UNC5D: variants seen among roughly 807,000 people sequenced by gnomAD.
The protein encoded by UNC5D is unc-5 netrin receptor D.
UNC5D carries 39 observed loss-of-function variants against 105.4 expected under a neutral mutation model. The observed-to-expected ratio is 0.37, with a 90% CI of 0.29 to 0.48. The LOEUF (loss-of-function observed/expected upper bound fraction) is 0.48, where lower values mean the gene tolerates loss of function less well. UNC5D is among the 20% of genes least tolerant of loss of function. The probability of loss-of-function intolerance (pLI) is 0.98; values close to 1 mark genes in which losing one functional copy is unlikely to be tolerated. For synonymous variants in UNC5D, 452 were observed against 450.4 expected (o/e 1.00, Z -0.04); for missense variants, 991 against 1,202.4 (o/e 0.82, Z 2.60).
At chr8:35,336,685 G>T (rs1811067620) in intron 1 of UNC5D, among the ~76,000 whole-genome samples, 1 of 152,092 alleles carries the variant, frequency 6.6e-6, no homozygotes, top group African/African-American at 2.4e-5. Context: ...ATAGTATGCA[G>T]ACATATACAT....
At chr8:35,550,021 A>T (rs1032760620) in intron 2 of UNC5D, among the ~76,000 whole-genome samples, 2 of 144,324 alleles carry the variant, frequency 1.4e-5, no homozygotes, top group Admixed American at 7.2e-5. Context: ...TCCTAGCAGG[A>T]TCTCCAGTAT....
intron 4 of UNC5D, among the ~76,000 whole-genome samples, chr8:35,668,360 A>G (rs1824566793): frequency 6.6e-6 from 1 of 152,124 alleles, no homozygotes; most frequent in African/African-American, 2.4e-5. Context: ...TGCAGAATAT[A>G]TTTAATATCA....
intron 1 of UNC5D, among the ~76,000 whole-genome samples, chr8:35,376,721 G>C (rs1802718211): frequency 6.6e-6 from 1 of 152,082 alleles, no homozygotes; most frequent in Admixed American, 6.5e-5. Context: ...TCTATTCAAA[G>C]CCTTCTGCAC....
In UNC5D at chr8:35,250,820, C is replaced by A. The variant is rs191966025; in HGVS notation, c.103+14933C>A. 2.7e-3 allele frequency among the ~76,000 whole-genome samples: 409 copies of A among 152,148 alleles called. 2 individuals carry two copies. Among genetic ancestry groups the A allele is most frequent in the African/African-American group, 9.5e-3 (393 of 41,520 alleles). On this transcript the variant is annotated intron_variant, in intron 1 of 16. Coordinates refer to ENST00000404895, the MANE Select transcript of UNC5D (RefSeq NM_080872.4). ...CCCCAGTAGTTGCTTTTTCATCCCT[C>A]CTTCCCCCACTCTAGTAGTCCCCAG... is the stretch of plus-strand genomic sequence containing the variant.
At chr8:35,235,980 A>G (rs1010711077) in intron 1 of UNC5D, 93 bp downstream of exon 1, 1 of 1,108,428 alleles carries the variant, frequency 9.0e-7, no homozygotes, top group Non-Finnish European at 1.1e-6. Flanking sequence ...TGGCTTCCCA[A>G]CTTGCGCCCT....
In UNC5D at chr8:35,250,833, T is replaced by A. The variant is rs1471384079; in HGVS notation, c.103+14946T>A. On this transcript the variant is annotated intron_variant, in intron 1 of 16. Transcript: ENST00000404895. ...TTTTTCATCCCTCCTTCCCCCACTCTAGTAGTCCCCAGTGTCTCTTGCCGC... is the reference window on the plus strand; with the variant it reads ...TTTTTCATCCCTCCTTCCCCCACTCAAGTAGTCCCCAGTGTCTCTTGCCGC... Among the ~76,000 whole-genome samples the A allele has an allele frequency of 3.9e-5, 6 of 152,268 alleles. No individual in the cohort carries two copies. In the South Asian group the frequency reaches 6.2e-4, roughly 16 times the overall value.
intron 1 of UNC5D, among the ~76,000 whole-genome samples, chr8:35,286,867 C>T (rs2950911): frequency 0.82 from 124,715 of 152,120 alleles, 51,591 homozygotes; most frequent in East Asian, 1. Context: ...GTCATACAGC[C>T]GTGCCCAACT....
intron 1 of UNC5D, among the ~76,000 whole-genome samples, chr8:35,436,993 T>C (rs1330260821): frequency 6.6e-6 from 1 of 151,554 alleles, no homozygotes; most frequent in Non-Finnish European, 1.5e-5. Flanking sequence ...CACAGGAACT[T>C]CATTTTTAGT....
intron 13 of UNC5D, among the ~76,000 whole-genome samples, chr8:35,757,368 C>T (rs569608531): frequency 6.6e-6 from 1 of 152,220 alleles, no homozygotes; most frequent in African/African-American, 2.4e-5. Flanking sequence ...TCCATCCCAG[C>T]TCCGTCTAGC....
At chr8:35,451,731 T>G (rs188310055) in intron 1 of UNC5D, among the ~76,000 whole-genome samples, 25 of 152,272 alleles carry the variant, frequency 1.6e-4, no homozygotes, top group Non-Finnish European at 2.6e-4. Flanking sequence ...ATACAGGGCG[T>G]TTTTAGTTTG....
chr8:35,260,198 G>A (rs1186816446), intron 1 of UNC5D, among the ~76,000 whole-genome samples: 1 of 152,100 alleles, frequency 6.6e-6, no homozygotes, highest in Non-Finnish European at 1.5e-5. Context: ...CACCTGTCAG[G>A]TGAGAAACAA....
At chr8:35,511,056 C>G (rs1211202620) in intron 1 of UNC5D, among the ~76,000 whole-genome samples, 1 of 152,122 alleles carries the variant, frequency 6.6e-6, no homozygotes, top group Admixed American at 6.5e-5. Flanking sequence ...AGATTTGCAT[C>G]TCTTAGGAAA....
chr8:35,301,651 A>G (rs1407542034), intron 1 of UNC5D, among the ~76,000 whole-genome samples: 5 of 152,180 alleles, frequency 3.3e-5, no homozygotes, highest in Non-Finnish European at 7.3e-5. Flanking sequence ...TACAAAAACT[A>G]TACTACCAAA....
intron 1 of UNC5D, among the ~76,000 whole-genome samples, chr8:35,332,819 G>A (rs1810726696): frequency 6.6e-6 from 1 of 152,118 alleles, no homozygotes; most frequent in Non-Finnish European, 1.5e-5. Context: ...TTTGAGGTAT[G>A]GTAAACTGAG....
intron 9 of UNC5D, among the ~76,000 whole-genome samples, chr8:35,724,571 C>T (rs1828758889): frequency 6.6e-6 from 1 of 152,214 alleles, no homozygotes; most frequent in African/African-American, 2.4e-5. Context: ...ACCGTGGATG[C>T]TATCATATGT....
At chr8:35,769,373 A>T (rs2131721415) in intron 15 of UNC5D, among the ~76,000 whole-genome samples, 2 of 152,282 alleles carry the variant, frequency 1.3e-5, no homozygotes, top group Admixed American at 1.3e-4. Flanking sequence ...CCTTCTTCAC[A>T]GTATGGCTTC....
At chr8:35,472,264 C>T (rs1004192144) in intron 1 of UNC5D, among the ~76,000 whole-genome samples, 13 of 152,104 alleles carry the variant, frequency 8.5e-5, no homozygotes, top group African/African-American at 3.1e-4. Context: ...GGAACCTCTA[C>T]TCACAAGAGG....
chr8:35,705,938 C>T lies in UNC5D; in HGVS notation c.1094C>T (p.Pro365Leu), dbSNP rs1481682003. The T allele has an allele frequency of 1.5e-6, 2 of 1,329,454 alleles. No homozygotes were observed. Among genetic ancestry groups the T allele is most frequent in the Non-Finnish European group, 2.1e-6 (2 of 950,880 alleles). 82.4% of individuals were successfully genotyped at this position (1,329,454 alleles called of 1,614,324 possible). ...TCTTTCTTTCTTTTAGATAAAAAAC[C>T]TCTTCATGAAATAAAACCCCAAAGT... ...TDGLCILDKK[P>L]LHEIKPQSIE... The change falls in exon 8 of 17, where the codon CCT becomes CTT. Residue 365 changes from proline (P) to leucine (L), a missense_variant. Pro to Leu is a moderately conservative substitution (Grantham distance 98). This residue lies in a region of UNC5D where 944 missense variants were observed against 1,131.6 expected (regional missense o/e 0.83). Coordinates refer to ENST00000404895, the MANE Select transcript of UNC5D (RefSeq NM_080872.4).
chr8:35,445,391 CAA>C (rs1807709863), intron 1 of UNC5D, among the ~76,000 whole-genome samples: 1 of 151,938 alleles, frequency 6.6e-6, no homozygotes, highest in African/African-American at 2.4e-5. Flanking sequence ...GAAATATGAA[CAA>C]TGCTAGATTT....
Sources: allele counts gnomAD v4.1 joint callset (sites outside exome capture counted in the v4.1 genomes callset), GRCh38; gene constraint gnomAD v4.1.1; regional missense constraint gnomAD v4.1.1; transcripts MANE v1.5; gene names NCBI Gene and HGNC (gene_info 2026-07-23, HGNC 2026-07-21).